Variants in ERC1 observed in about 807,000 individuals in gnomAD.
ERC1 encodes the protein RAB6 interacting protein 2.
In ERC1, 56 loss-of-function variants were observed where a neutral mutation model predicts 132.0. The ratio of observed to expected loss-of-function variants is 0.42; its 90% CI spans 0.34 to 0.53. The LOEUF (loss-of-function observed/expected upper bound fraction) is 0.53, where lower values mean the gene tolerates loss of function less well. Among genes scored for constraint, ERC1 ranks in the 20% least tolerant of loss-of-function variants. ERC1 has a pLI of 0.03. For missense variants in ERC1, 1,202 were observed against 1,349.9 expected, an observed-to-expected ratio of 0.89 and a Z score of 1.72; for synonymous variants, 478 against 476.1, an observed-to-expected ratio of 1.00 and a Z score of -0.05.
intron 18 of ERC1, among the ~76,000 whole-genome samples, chr12:1,471,926 C>T (rs2093870270): frequency 6.6e-6 from 1 of 152,214 alleles, no homozygotes; most frequent in Admixed American, 6.5e-5. Context: ...AGTTTTCCTA[C>T]AACAGATAGA....
chr12:1,413,608 T>TA (rs112332779), intron 17 of ERC1, among the ~76,000 whole-genome samples: 5,024 of 150,388 alleles, frequency 0.033, 240 homozygotes, highest in African/African-American at 0.11. Flanking sequence ...AAAGAAAAGG[T>TA]AAAAAAAAAG....
rs551596236 is a variant in ERC1, at chr12:1,016,462, G to GT, written c.-156-11285dup. 1.6e-4 allele frequency among the ~76,000 whole-genome samples: 25 copies of GT among 152,228 alleles called. 1 individual carries two copies. Among genetic ancestry groups the GT allele is most frequent in the Admixed American group, 1.4e-3 (21 of 15,288 alleles). On this transcript the variant is annotated intron_variant, in intron 1 of 18. Coordinates refer to ENST00000360905, the MANE Select transcript of ERC1 (RefSeq NM_178040.4). ...CTGTCTGCAGTTGCATGTTATGCTCGTAGCTATTTGTGGGAAGAGTGAGAA... is the reference window on the plus strand; with the variant it reads ...CTGTCTGCAGTTGCATGTTATGCTCGTTAGCTATTTGTGGGAAGAGTGAGAA...
chr12:1,350,425 A>G (rs1481634804), intron 15 of ERC1, among the ~76,000 whole-genome samples: 1 of 152,160 alleles, frequency 6.6e-6, no homozygotes, highest in Non-Finnish European at 1.5e-5. Context: ...GTCCTAGGGG[A>G]TGGTACTTCT....
chr12:1,069,956 AAATCTGAAGCATAT>A (rs1427636194), intron 2 of ERC1, among the ~76,000 whole-genome samples: 1 of 152,220 alleles, frequency 6.6e-6, no homozygotes, highest in African/African-American at 2.4e-5. Flanking sequence ...CGATGTGGAT[AAATCTGAAGCATAT>A]TATGTTAAGT....
At chr12:1,444,954 T>G in intron 18 of ERC1, 5 of 327,586 alleles carry the variant, frequency 1.5e-5, no homozygotes, top group East Asian at 1.0e-4. Context: ...ATTTGGGGGG[T>G]GGGGAGGGGT....
chr12:990,741 C>CCCGCG (rs1370108120), upstream of ERC1: 4 of 152,242 alleles, frequency 2.6e-5, no homozygotes, highest in Admixed American at 2.6e-4. Flanking sequence ...CGGCGCTGCT[C>CCCGCG]CCGCGGCGCT....
chr12:1,028,704 T>C (rs1385353162), intron 2 of ERC1, 132 bp downstream of exon 2: 3 of 795,512 alleles, frequency 3.8e-6, no homozygotes, highest in Non-Finnish European at 5.8e-6. Context: ...TTTTACTGTT[T>C]TGTGTCCTCC....
At chr12:1,293,270 C>T (rs1290718550) in intron 15 of ERC1, among the ~76,000 whole-genome samples, 10 of 150,798 alleles carry the variant, frequency 6.6e-5, no homozygotes, top group African/African-American at 1.7e-4. Context: ...CTGGCTAACA[C>T]GGTGAACCCC....
At chr12:1,267,267 T>C (rs2077540537) in intron 14 of ERC1, among the ~76,000 whole-genome samples, 1 of 152,230 alleles carries the variant, frequency 6.6e-6, no homozygotes. Flanking sequence ...CACGTGGGGA[T>C]TCTATTTCTG....
At position 1,027,860 on chromosome 12, in the gene ERC1, G is replaced by T. The variant is rs1268891975; in HGVS notation, c.-44G>T. On this transcript the variant is annotated 5_prime_UTR_variant, in exon 2 of 19. Coordinates refer to ENST00000360905, the MANE Select transcript of ERC1 (RefSeq NM_178040.4). ...TCACAAGGTTCCCATTTTTGTTGTT[G>T]TTGTTGTTGATTTTCTGCTCACACC... 3.9e-6 allele frequency: 6 copies of T among 1,520,476 alleles called. No homozygotes were observed. The highest frequency in any genetic ancestry group is 2.5e-5 in the South Asian group (2 of 79,096). The allele number at this position is 1,520,476 out of a possible 1,614,324, so 94.2% of individuals were successfully genotyped here.
At position 1,364,415 on chromosome 12, in the gene ERC1, T is replaced by C. The variant is rs370144852; in HGVS notation, c.2781-7418T>C. Among the ~76,000 whole-genome samples, 29 of 152,334 alleles carry C rather than the reference T, an allele frequency of 1.9e-4. No homozygotes were observed. The East Asian group carries it at 2.5e-3, about 13-fold the overall frequency. ...TCTCATTCAGCATTTTTGTGTACCCTCTGCCTGCTGGGTTCTGGTTAAAAC... is the reference window on the plus strand; with the variant it reads ...TCTCATTCAGCATTTTTGTGTACCCCCTGCCTGCTGGGTTCTGGTTAAAAC... On this transcript the variant is annotated intron_variant, in intron 15 of 18. Coordinates refer to ENST00000360905, the MANE Select transcript of ERC1 (RefSeq NM_178040.4).
intron 1 of ERC1, among the ~76,000 whole-genome samples, chr12:1,000,157 A>G (rs780499444): frequency 1.4e-4 from 21 of 152,080 alleles, no homozygotes; most frequent in Non-Finnish European, 1.9e-4. Context: ...CTCATTGTTA[A>G]TGCATTTATG....
chr12:1,167,679 CA>C (rs1952557378), intron 8 of ERC1, among the ~76,000 whole-genome samples: 1 of 150,852 alleles, frequency 6.6e-6, no homozygotes, highest in Non-Finnish European at 1.5e-5. Flanking sequence ...GAAAAATTTG[CA>C]AAATTCTATA....
intron 18 of ERC1, among the ~76,000 whole-genome samples, chr12:1,467,431 A>G (rs975083939): frequency 6.6e-6 from 1 of 152,182 alleles, no homozygotes; most frequent in Non-Finnish European, 1.5e-5. Context: ...GAGGGACCCA[A>G]TGGCCAGATT....
At chr12:1,126,672 A>G (rs1223813290) in intron 7 of ERC1, among the ~76,000 whole-genome samples, 1 of 152,138 alleles carries the variant, frequency 6.6e-6, no homozygotes, top group Non-Finnish European at 1.5e-5. Flanking sequence ...TTAAAATAGT[A>G]AGGATTCAGA....
chr12:1,147,518 C>G (rs946557120), intron 8 of ERC1, among the ~76,000 whole-genome samples: 1 of 152,182 alleles, frequency 6.6e-6, no homozygotes, highest in African/African-American at 2.4e-5. Context: ...GCTTCTCATA[C>G]ATTTACTTCT....
intron 2 of ERC1, among the ~76,000 whole-genome samples, chr12:1,044,058 G>C (rs1970707778): frequency 6.6e-6 from 1 of 152,108 alleles, no homozygotes; most frequent in Non-Finnish European, 1.5e-5. Flanking sequence ...TTTACAAAAT[G>C]TTTGTTATAA....
intron 15 of ERC1, among the ~76,000 whole-genome samples, chr12:1,298,114 AAGAG>A (rs1325427535): frequency 6.6e-6 from 1 of 152,212 alleles, no homozygotes; most frequent in Non-Finnish European, 1.5e-5. Context: ...GAAGAAAGGA[AAGAG>A]AGAAAGAAAG....
intron 15 of ERC1, among the ~76,000 whole-genome samples, chr12:1,328,959 T>C (rs1027451173): frequency 3.7e-5 from 4 of 108,370 alleles, no homozygotes; most frequent in Admixed American, 9.7e-5. Context: ...ATTTGACAAA[T>C]AAATAAATGT....
Sources: gnomAD v4.1 joint callset for allele counts (sites outside exome capture counted in the v4.1 genomes callset) on GRCh38, gnomAD v4.1.1 for gene constraint, MANE v1.5 for transcripts, NCBI Gene and HGNC (gene_info 2026-07-23, HGNC 2026-07-21) for gene names.